The following FSTL5 variants were observed in gnomAD, a reference collection of about 807,000 sequenced individuals.
The protein encoded by FSTL5 is follistatin-related protein 5.
A neutral mutation model predicts 89.1 loss-of-function variants in FSTL5; 62 were observed. That is an observed-to-expected ratio of 0.70 (90% CI 0.57 to 0.86). The LOEUF is 0.86. Among genes scored for constraint, FSTL5 ranks in the 40% least tolerant of loss-of-function variants. The pLI, the probability that FSTL5 is intolerant of heterozygous loss-of-function variation, is 0.00. For missense variants in FSTL5, 1,057 were observed against 1,001.6 expected, an observed-to-expected ratio of 1.06 and a Z score of -0.75; for synonymous variants, 383 against 346.2, an observed-to-expected ratio of 1.11 and a Z score of -1.18.
At chr4:162,098,946 G>T (rs1730876152) in intron 2 of FSTL5, among the ~76,000 whole-genome samples, 1 of 151,908 alleles carries the variant, frequency 6.6e-6, no homozygotes, top group Admixed American at 6.6e-5. Context: ...AAGGATCATA[G>T]AACTAAATGC....
intron 4 of FSTL5, among the ~76,000 whole-genome samples, chr4:161,916,549 C>T (rs1237112325): frequency 2.0e-5 from 3 of 152,126 alleles, no homozygotes. Context: ...CGTTGAGCAT[C>T]ATCACAAAGT....
intron 4 of FSTL5, among the ~76,000 whole-genome samples, chr4:161,833,350 A>C (rs1730913350): frequency 6.6e-6 from 1 of 151,332 alleles, no homozygotes; most frequent in South Asian, 2.1e-4. Flanking sequence ...AAAAAAATGT[A>C]TATTCTGTTG....
chr4:161,920,263 C>G, intron 4 of FSTL5, 141 bp downstream of exon 4: 1 of 742,500 alleles, frequency 1.3e-6, no homozygotes. Context: ...CACACTGCTA[C>G]TTAGTGGAGT....
chr4:161,578,438 A>G (rs1304556338), intron 8 of FSTL5, among the ~76,000 whole-genome samples: 1 of 152,130 alleles, frequency 6.6e-6, no homozygotes, highest in Non-Finnish European at 1.5e-5. Flanking sequence ...ACAAATGTTG[A>G]AGAGACAGAG....
intron 1 of FSTL5, among the ~76,000 whole-genome samples, chr4:162,120,973 T>G (rs146769037): frequency 2.6e-4 from 39 of 152,098 alleles, no homozygotes; most frequent in Middle Eastern, 3.4e-3. Context: ...AGTTTTTGGT[T>G]CATACATTTG....
At chr4:161,927,423 T>C (rs1165721749) in intron 3 of FSTL5, among the ~76,000 whole-genome samples, 1 of 151,732 alleles carries the variant, frequency 6.6e-6, no homozygotes, top group Non-Finnish European at 1.5e-5. Flanking sequence ...AGGTCAAGCA[T>C]TGTAATACAA....
chr4:161,881,123 T>G (rs1732614494), intron 4 of FSTL5, among the ~76,000 whole-genome samples: 1 of 151,016 alleles, frequency 6.6e-6, no homozygotes, highest in Non-Finnish European at 1.5e-5. Flanking sequence ...TCCAAAAAAT[T>G]TGATTTGTGA....
intron 11 of FSTL5, among the ~76,000 whole-genome samples, chr4:161,506,885 A>T (rs567854198): frequency 4.7e-4 from 72 of 152,284 alleles, no homozygotes; most frequent in Non-Finnish European, 7.6e-4. Context: ...ATAGTGATTT[A>T]TTTTAAATGT....
At chr4:162,015,620 G>GA (rs1372905870) in intron 3 of FSTL5, among the ~76,000 whole-genome samples, 1 of 152,096 alleles carries the variant, frequency 6.6e-6, no homozygotes, top group Non-Finnish European at 1.5e-5. Context: ...TATGATGGAT[G>GA]AACTATTCAC....
At chr4:161,760,127 A>G (rs1183961612) in intron 5 of FSTL5, among the ~76,000 whole-genome samples, 1 of 152,200 alleles carries the variant, frequency 6.6e-6, no homozygotes, top group Admixed American at 6.5e-5. Context: ...AGATAGAATT[A>G]ATGCACCGAT....
At chr4:161,525,706 C>T (rs1414805977) in intron 10 of FSTL5, among the ~76,000 whole-genome samples, 1 of 152,138 alleles carries the variant, frequency 6.6e-6, no homozygotes, top group Non-Finnish European at 1.5e-5. Context: ...AAAATTAACT[C>T]TAACAGATAA....
chr4:162,013,637 G>A (rs1736832340), intron 3 of FSTL5, among the ~76,000 whole-genome samples: 1 of 152,112 alleles, frequency 6.6e-6, no homozygotes, highest in Admixed American at 6.5e-5. Flanking sequence ...TGATGACTTA[G>A]GTTTTACAGG....
At chr4:161,835,939 C>G (rs997623170) in intron 4 of FSTL5, among the ~76,000 whole-genome samples, 2 of 151,682 alleles carry the variant, frequency 1.3e-5, no homozygotes, top group African/African-American at 4.8e-5. Context: ...TTTGACCCAG[C>G]CATCCCATTA....
At chr4:161,812,415 C>A (rs1467627227) in intron 4 of FSTL5, among the ~76,000 whole-genome samples, 3 of 152,094 alleles carry the variant, frequency 2.0e-5, no homozygotes, top group African/African-American at 7.2e-5. Flanking sequence ...TGGAGCCACA[C>A]TGACTGGGGA....
At chr4:161,528,960 A>G (rs28621871) in intron 10 of FSTL5, among the ~76,000 whole-genome samples, 1 of 127,300 alleles carries the variant, frequency 7.9e-6, no homozygotes, top group Non-Finnish European at 1.5e-5. Context: ...ATAAAATTTC[A>G]TCATCATCAT....
At chr4:161,708,811 G>A (rs887709307) in intron 6 of FSTL5, among the ~76,000 whole-genome samples, 1 of 152,044 alleles carries the variant, frequency 6.6e-6, no homozygotes, top group East Asian at 1.9e-4. Flanking sequence ...TGTGATGCTA[G>A]TTCTAGATCT....
At chr4:162,107,711 A>G (rs1731277585) in intron 2 of FSTL5, among the ~76,000 whole-genome samples, 1 of 152,244 alleles carries the variant, frequency 6.6e-6, no homozygotes. Context: ...CTGAAAGAAC[A>G]TAAGATATTT....
chr4:161,511,137 C>G (rs565318780), intron 10 of FSTL5, among the ~76,000 whole-genome samples: 10 of 152,152 alleles, frequency 6.6e-5, no homozygotes, highest in Admixed American at 2.0e-4. Context: ...TTTAATAATT[C>G]AAAGTTACAA....
At chr4:161,612,592 G>A (rs1189285642) in intron 7 of FSTL5, among the ~76,000 whole-genome samples, 1 of 152,148 alleles carries the variant, frequency 6.6e-6, no homozygotes, top group East Asian at 1.9e-4. Flanking sequence ...TTTTAACAGA[G>A]ACAAAAAGTC....
Sources: gnomAD v4.1 joint callset for allele counts (sites outside exome capture counted in the v4.1 genomes callset) on GRCh38, gnomAD v4.1.1 for gene constraint, MANE v1.5 for transcripts, NCBI Gene and HGNC (gene_info 2026-07-23, HGNC 2026-07-21) for gene names.